The following CILK1 variants were observed in gnomAD, a reference collection of about 807,000 sequenced individuals.
The protein encoded by CILK1 is ciliogenesis associated kinase 1.
Under a neutral mutation model 79.2 loss-of-function variants are expected in CILK1, and 47 were observed. That is an observed-to-expected ratio of 0.59 (90% CI 0.47 to 0.76). The LOEUF (loss-of-function observed/expected upper bound fraction) is 0.76, where lower values mean the gene tolerates loss of function less well. CILK1 is among the 30% of genes least tolerant of loss of function. The pLI is 0.00. For missense variants in CILK1, 660 were observed against 769.5 expected (o/e 0.86, Z 1.68); for synonymous variants, 266 against 275.9 (o/e 0.96, Z 0.36).
At chr6:53,030,839 T>C (rs1247830543) in intron 5 of CILK1, among the ~76,000 whole-genome samples, 2 of 152,196 alleles carry the variant, frequency 1.3e-5, no homozygotes, top group Non-Finnish European at 2.9e-5. Flanking sequence ...ACCAACAAGC[T>C]TAATGTTAAA....
chr6:53,039,844 T>C (rs907539838), intron 2 of CILK1, among the ~76,000 whole-genome samples: 1 of 151,882 alleles, frequency 6.6e-6, no homozygotes, highest in African/African-American at 2.4e-5. Context: ...ATGGTGGAGG[T>C]GGCAAATGGT....
rs1167706831 is a variant in CILK1 at position 53,048,050 on chromosome 6, G to A, written c.-172-6642C>T. ...CATTCAGACAAGGCTGATACACTGT[G>A]TAACTCCAGGGTACTCCATTCACAT... is the stretch of plus-strand genomic sequence containing the variant. On this transcript the variant is annotated intron_variant, in intron 1 of 13. Transcript: ENST00000676107. Among the ~76,000 whole-genome samples, 4 of 152,274 alleles carry A rather than the reference G, an allele frequency of 2.6e-5. No homozygotes were observed. In the South Asian group the frequency reaches 8.3e-4, roughly 32 times the overall value.
At chr6:53,028,693 A>G (rs1765734677) in intron 5 of CILK1, among the ~76,000 whole-genome samples, 1 of 152,202 alleles carries the variant, frequency 6.6e-6, no homozygotes, top group Admixed American at 6.5e-5. Flanking sequence ...AACCTTCTCC[A>G]TAAACTGAGC....
chr6:53,048,691 T>C (rs536897991), intron 1 of CILK1, among the ~76,000 whole-genome samples: 3 of 152,338 alleles, frequency 2.0e-5, no homozygotes, highest in African/African-American at 7.2e-5. Context: ...GTAGGCGCCT[T>C]CGCTGCTCTA....
intron 3 of CILK1, among the ~76,000 whole-genome samples, chr6:53,036,565 A>C (rs1267301609): frequency 6.6e-6 from 1 of 152,078 alleles, no homozygotes; most frequent in Non-Finnish European, 1.5e-5. Context: ...ACAAGCACCC[A>C]CCACAACACC....
At chr6:53,038,469 C>T (rs938172307) in intron 2 of CILK1, among the ~76,000 whole-genome samples, 1 of 152,154 alleles carries the variant, frequency 6.6e-6, no homozygotes, top group Non-Finnish European at 1.5e-5. Flanking sequence ...CATATGGTTA[C>T]TTGCTATCAT....
At chr6:53,024,926 G>A (rs1015765506) in intron 5 of CILK1, among the ~76,000 whole-genome samples, 2 of 148,252 alleles carry the variant, frequency 1.3e-5, no homozygotes, top group Admixed American at 6.9e-5. Flanking sequence ...TCCACCTCCC[G>A]GGTTCAAGCA....
At chr6:53,044,406 A>T (rs75994478) in intron 1 of CILK1, among the ~76,000 whole-genome samples, 1 of 152,224 alleles carries the variant, frequency 6.6e-6, no homozygotes, top group Non-Finnish European at 1.5e-5. Context: ...TAGATTAGAT[A>T]AAAATATTTA....
At chr6:53,031,165 C>CAGG (rs1300335998) in intron 4 of CILK1, 21 bp from the exon 5 acceptor site, 2 of 1,490,676 alleles carry the variant, frequency 1.3e-6, no homozygotes, top group African/African-American at 2.8e-5. Flanking sequence ...CAGAGGAAAA[C>CAGG]AAAGTTATAA....
intron 13 of CILK1, 25 bp from the exon 14 acceptor site, chr6:53,005,328 A>C: frequency 6.2e-7 from 1 of 1,613,844 alleles, no homozygotes; most frequent in East Asian, 2.2e-5. Flanking sequence ...AAAGGCCGGC[A>C]TGACTGATAT....
intron 3 of CILK1, 84 bp from the exon 4 acceptor site, chr6:53,032,738 T>C: frequency 3.4e-6 from 4 of 1,161,236 alleles, no homozygotes; most frequent in East Asian, 2.6e-5. Context: ...CTATGTATAC[T>C]TGGAAAGAAA....
intron 5 of CILK1, among the ~76,000 whole-genome samples, chr6:53,027,719 T>A (rs1047600397): frequency 1.3e-5 from 2 of 152,206 alleles, no homozygotes; most frequent in African/African-American, 4.8e-5. Flanking sequence ...GAAAATGGGA[T>A]AGGGGCTGGG....
chr6:53,040,122 T>C (rs868751787), intron 2 of CILK1, among the ~76,000 whole-genome samples: 95 of 152,206 alleles, frequency 6.2e-4, no homozygotes, highest in African/African-American at 1.8e-3. Context: ...CATTCAAATA[T>C]AGATGCTGAC....
In CILK1 at chr6:53,038,412, T is replaced by C. The variant is rs1766495666; in HGVS notation, c.102-419A>G. ...GCACTTTGGCATGTGGCTAGCACAA[T>C]GTGGGAACTGAATTTTAATTTTAAT... is the stretch of plus-strand genomic sequence containing the variant. On this transcript the variant is annotated intron_variant, in intron 2 of 13. Transcript: ENST00000676107. Among the ~76,000 whole-genome samples the C allele has an allele frequency of 2.0e-5, 3 of 152,334 alleles. No individual in the cohort carries two copies. The South Asian group carries it at 6.2e-4, about 32-fold the overall frequency.
chr6:53,038,958 C>T (rs1054951456), intron 2 of CILK1, among the ~76,000 whole-genome samples: 9 of 152,190 alleles, frequency 5.9e-5, no homozygotes, highest in Non-Finnish European at 1.2e-4. Context: ...TTATAGCAGT[C>T]CTGTGAAACA....
chr6:53,003,912 G>C lies in CILK1; in HGVS notation c.*1237C>G, dbSNP rs1764071888. ...ATAAGTGAGGCAAATGTACCATATA[G>C]AGATGGATGAGACTGGACCTTTTGT... On this transcript the variant is annotated 3_prime_UTR_variant, in exon 14 of 14. Coordinates refer to ENST00000676107, the MANE Select transcript of CILK1 (RefSeq NM_014920.5). 1 of 152,638 alleles carries C rather than the reference G, an allele frequency of 6.6e-6. No homozygotes were observed. The highest frequency in any genetic ancestry group is 1.5e-5 in the Non-Finnish European group (1 of 68,048). 9.5% of individuals were successfully genotyped at this position (152,638 alleles called of 1,614,324 possible).
At chr6:53,050,294 CG>C (rs1446653914) in intron 1 of CILK1, among the ~76,000 whole-genome samples, 2 of 151,850 alleles carry the variant, frequency 1.3e-5, no homozygotes, top group African/African-American at 4.8e-5. Context: ...ATATTTCACC[CG>C]TAAGTCACTC....
intron 5 of CILK1, among the ~76,000 whole-genome samples, chr6:53,025,998 C>T (rs1428315762): frequency 6.6e-6 from 1 of 152,154 alleles, no homozygotes; most frequent in Non-Finnish European, 1.5e-5. Flanking sequence ...AGCCAAGTTG[C>T]CTGATTTCAA....
intron 3 of CILK1, among the ~76,000 whole-genome samples, chr6:53,037,628 A>G (rs1170685794): frequency 9.9e-5 from 15 of 152,194 alleles, no homozygotes; most frequent in Non-Finnish European, 2.2e-4. Context: ...TAGGAAAAAC[A>G]CTCAACAAGT....
Sources: allele counts gnomAD v4.1 joint callset (sites outside exome capture counted in the v4.1 genomes callset), GRCh38; gene constraint gnomAD v4.1.1; transcripts MANE v1.5; gene names NCBI Gene and HGNC (gene_info 2026-07-23, HGNC 2026-07-21).